Variants in MBOAT2 observed in about 807,000 individuals in gnomAD.
MBOAT2 encodes the protein membrane-bound glycerophospholipid O-acyltransferase 2.
MBOAT2 carries 28 observed loss-of-function variants against 63.4 expected under a neutral mutation model. The observed-to-expected ratio is 0.44, with a 90% CI of 0.33 to 0.61. The LOEUF is 0.61. Ranked by LOEUF, MBOAT2 falls within the 20% of genes least tolerant of loss-of-function variation. MBOAT2 has a pLI of 0.03. For missense variants in MBOAT2, 470 were observed against 605.8 expected (o/e 0.78, Z 2.35); for synonymous variants, 211 against 215.6 (o/e 0.98, Z 0.19).
At chr2:8,967,770 T>C (rs1292363154) in intron 1 of MBOAT2, among the ~76,000 whole-genome samples, 1 of 152,066 alleles carries the variant, frequency 6.6e-6, no homozygotes, top group Non-Finnish European at 1.5e-5. Flanking sequence ...ATGATAAAGA[T>C]AATATCTGAA....
chr2:8,976,204 C>G (rs1334593211), intron 1 of MBOAT2, among the ~76,000 whole-genome samples: 1 of 151,996 alleles, frequency 6.6e-6, no homozygotes, highest in African/African-American at 2.4e-5. Flanking sequence ...TGCATGGAAA[C>G]AGAAGCAGAA....
chr2:8,974,490 A>T (rs1291342744), intron 1 of MBOAT2: 1 of 453,740 alleles, frequency 2.2e-6, no homozygotes, highest in Non-Finnish European at 4.4e-6. Flanking sequence ...CCAGGCCTTG[A>T]TGAGGTTGCT....
intron 9 of MBOAT2, among the ~76,000 whole-genome samples, chr2:8,867,349 G>A (rs1046418014): frequency 1.3e-5 from 2 of 152,090 alleles, no homozygotes; most frequent in Non-Finnish European, 2.9e-5. Context: ...GGCTACTCCT[G>A]AATTCCTTTG....
At chr2:8,865,202 T>C (rs1661785273) in intron 9 of MBOAT2, among the ~76,000 whole-genome samples, 1 of 152,216 alleles carries the variant, frequency 6.6e-6, no homozygotes, top group Non-Finnish European at 1.5e-5. Context: ...CTTTTCTCTT[T>C]TTTTTCAAAA....
intron 3 of MBOAT2, among the ~76,000 whole-genome samples, chr2:8,934,857 A>C (rs1667552652): frequency 6.6e-6 from 1 of 152,156 alleles, no homozygotes; most frequent in Non-Finnish European, 1.5e-5. Flanking sequence ...ATGAGGACAC[A>C]TTTTCAAATG....
At chr2:8,865,167 A>G (rs1279061064) in intron 9 of MBOAT2, among the ~76,000 whole-genome samples, 1 of 152,132 alleles carries the variant, frequency 6.6e-6, no homozygotes, top group Non-Finnish European at 1.5e-5. Flanking sequence ...GAAAAAAGCT[A>G]CTGGACTGAA....
chr2:8,941,007 T>C (rs949740630), intron 3 of MBOAT2, among the ~76,000 whole-genome samples: 1 of 152,000 alleles, frequency 6.6e-6, no homozygotes, highest in African/African-American at 2.4e-5. Flanking sequence ...CTAAGTCCCA[T>C]CTAGTGTATT....
At chr2:8,926,313 C>T (rs528909454) in intron 3 of MBOAT2, among the ~76,000 whole-genome samples, 39 of 152,180 alleles carry the variant, frequency 2.6e-4, no homozygotes, top group African/African-American at 9.2e-4. Flanking sequence ...TGTTAAACCA[C>T]CTGAATACAA....
At chr2:8,926,102 T>C (rs1666911714) in intron 3 of MBOAT2, among the ~76,000 whole-genome samples, 1 of 152,068 alleles carries the variant, frequency 6.6e-6, no homozygotes, top group Non-Finnish European at 1.5e-5. Flanking sequence ...CAGGTTTCTT[T>C]TGTTCTTTGT....
At chr2:8,893,955 A>ATT (rs887081107) in intron 4 of MBOAT2, among the ~76,000 whole-genome samples, 7 of 148,174 alleles carry the variant, frequency 4.7e-5, no homozygotes, top group Non-Finnish European at 1.0e-4. Context: ...AAAACACTGC[A>ATT]TTTTTTTTTT....
At chr2:8,933,615 TTACA>T (rs1667471594) in intron 3 of MBOAT2, among the ~76,000 whole-genome samples, 1 of 152,160 alleles carries the variant, frequency 6.6e-6, no homozygotes, top group Non-Finnish European at 1.5e-5. Context: ...GCACTTGGGG[TTACA>T]GGCATGAGCC....
intron 8 of MBOAT2, among the ~76,000 whole-genome samples, chr2:8,870,673 G>T (rs2148520278): frequency 6.6e-6 from 1 of 152,218 alleles, no homozygotes; most frequent in South Asian, 2.1e-4. Context: ...ACCATTACCA[G>T]GAACTCAACC....
chr2:8,879,392 G>A (rs1423007007), intron 6 of MBOAT2, among the ~76,000 whole-genome samples: 1 of 152,104 alleles, frequency 6.6e-6, no homozygotes, highest in Non-Finnish European at 1.5e-5. Context: ...AGTAATTTTT[G>A]GCTCAACTGT....
chr2:8,882,664 G>T lies in MBOAT2; in HGVS notation c.452-99C>A. 4 of 1,030,228 alleles carry T rather than the reference G, an allele frequency of 3.9e-6. No individual in the cohort carries two copies. In the South Asian group the frequency reaches 4.0e-5, roughly 10 times the overall value. The allele number at this position is 1,030,228 out of a possible 1,614,324, so 63.8% of individuals were successfully genotyped here. A position where few individuals can be genotyped will look rare whatever the true frequency, so the allele number is the denominator to read the frequency against. On this transcript the variant is annotated intron_variant, in intron 5 of 12. Coordinates refer to ENST00000305997, the MANE Select transcript of MBOAT2 (RefSeq NM_138799.4). ...ATTACTTTCCTCATTTGAAATTCAT[G>T]CTATTATATTCCTAATTTTGATATA... is the stretch of plus-strand genomic sequence containing the variant.
intron 3 of MBOAT2, among the ~76,000 whole-genome samples, chr2:8,917,843 TA>T (rs1218500932): frequency 6.6e-6 from 1 of 152,176 alleles, no homozygotes. Flanking sequence ...AAATGTCCAT[TA>T]ATAGGTGAAA....
At chr2:8,914,446 A>G (rs572351780) in intron 3 of MBOAT2, among the ~76,000 whole-genome samples, 1 of 152,226 alleles carries the variant, frequency 6.6e-6, no homozygotes, top group East Asian at 1.9e-4. Flanking sequence ...TTTTTGTCAA[A>G]TTACAGTTGA....
intron 6 of MBOAT2, among the ~76,000 whole-genome samples, chr2:8,881,378 C>T (rs762205416): frequency 2.6e-5 from 4 of 152,006 alleles, no homozygotes; most frequent in Non-Finnish European, 4.4e-5. Flanking sequence ...AGAGTGTGGG[C>T]AAGTGAGTGG....
chr2:8,961,587 A>AG (rs1433277944), intron 1 of MBOAT2, among the ~76,000 whole-genome samples: 4 of 150,936 alleles, frequency 2.7e-5, no homozygotes, highest in African/African-American at 9.7e-5. Flanking sequence ...TCCCATCAGT[A>AG]GGGAAAAAAA....
intron 9 of MBOAT2, among the ~76,000 whole-genome samples, chr2:8,867,755 G>C (rs1374541068): frequency 6.6e-6 from 1 of 152,134 alleles, no homozygotes; most frequent in East Asian, 1.9e-4. Flanking sequence ...ATATGGTTTA[G>C]GTCACCATTA....
Sources: gnomAD v4.1 joint callset for allele counts (sites outside exome capture counted in the v4.1 genomes callset) on GRCh38, gnomAD v4.1.1 for gene constraint, MANE v1.5 for transcripts, NCBI Gene and HGNC (gene_info 2026-07-23, HGNC 2026-07-21) for gene names.